LARGE1: variants seen among roughly 807,000 people sequenced by gnomAD.
LARGE1 encodes LARGE xylosyl- and glucuronyltransferase 1.
A neutral mutation model predicts 87.6 loss-of-function variants in LARGE1; 43 were observed. That is an observed-to-expected ratio of 0.49 (90% CI 0.38 to 0.63). The LOEUF is 0.63. Ranked by LOEUF, LARGE1 falls within the 30% of genes least tolerant of loss-of-function variation. LARGE1 has a pLI of 0.00. For synonymous variants in LARGE1, 434 were observed against 394.6 expected (o/e 1.10, Z -1.18); for missense variants, 802 against 1,000.2 (o/e 0.80, Z 2.67).
At chr22:33,390,965 G>A (rs184443662) in intron 7 of LARGE1, among the ~76,000 whole-genome samples, 4 of 152,116 alleles carry the variant, frequency 2.6e-5, no homozygotes, top group African/African-American at 9.7e-5. Context: ...CCAAAGTGCT[G>A]GGAACACAGG....
intron 7 of LARGE1, among the ~76,000 whole-genome samples, chr22:33,393,389 G>A (rs1280992731): frequency 6.6e-6 from 1 of 152,208 alleles, no homozygotes; most frequent in Non-Finnish European, 1.5e-5. Flanking sequence ...TCCTCATTAA[G>A]GTGTCTAATT....
chr22:33,274,095 G>A lies in LARGE1; in HGVS notation c.*332C>T, dbSNP rs1433131631. 1 of 470,934 alleles carries A rather than the reference G, an allele frequency of 2.1e-6. No homozygotes were observed. Among genetic ancestry groups the A allele is most frequent in the Non-Finnish European group, 3.8e-6 (1 of 259,994 alleles). 29.2% of individuals were successfully genotyped at this position (470,934 alleles called of 1,614,324 possible). A position where few individuals can be genotyped will look rare whatever the true frequency, so the allele number is the denominator to read the frequency against. The stretch of plus-strand genomic sequence containing the variant: ...AAGCATAATTATTAAAAAGCATCCA[G>A]AACATCCTAAAGCCCTGCCCTGATC... On this transcript the variant is annotated 3_prime_UTR_variant, in exon 15 of 15. Coordinates refer to ENST00000397394, the MANE Select transcript of LARGE1 (RefSeq NM_133642.5).
At chr22:33,609,631 G>A (rs1338551644) in intron 4 of LARGE1, among the ~76,000 whole-genome samples, 1 of 152,098 alleles carries the variant, frequency 6.6e-6, no homozygotes, top group South Asian at 2.1e-4. Context: ...AACAAAATCT[G>A]GAATGGGAAA....
chr22:33,761,651 G>A (rs1255916935), intron 1 of LARGE1, 93 bp from the exon 2 acceptor site: 4 of 659,912 alleles, frequency 6.1e-6, no homozygotes, highest in Non-Finnish European at 8.3e-6. Context: ...TCCTGAAAGG[G>A]GTTCAACTGA....
chr22:33,170,000 A>T (rs1452385580), intron 11 of LARGE1, among the ~76,000 whole-genome samples: 1 of 152,152 alleles, frequency 6.6e-6, no homozygotes, highest in East Asian at 1.9e-4. Flanking sequence ...CCTTAAATGT[A>T]TGTGTTGAAA....
chr22:33,596,462 C>T (rs565919484), intron 5 of LARGE1, among the ~76,000 whole-genome samples: 4 of 152,312 alleles, frequency 2.6e-5, no homozygotes, highest in Admixed American at 6.5e-5. Context: ...AGAAACCACA[C>T]AGATAATCCA....
intron 6 of LARGE1, among the ~76,000 whole-genome samples, chr22:33,538,774 C>T (rs978892460): frequency 6.6e-6 from 1 of 152,214 alleles, no homozygotes; most frequent in Non-Finnish European, 1.5e-5. Context: ...CAAGAGATTA[C>T]TCACTGCCCC....
intron 1 of LARGE1, among the ~76,000 whole-genome samples, chr22:33,866,116 C>T (rs1205447725): frequency 6.6e-6 from 1 of 151,988 alleles, no homozygotes; most frequent in Non-Finnish European, 1.5e-5. Flanking sequence ...CCGGCCTCAG[C>T]TCTGGGTAGG....
chr22:33,528,822 C>G (rs1424198225), intron 6 of LARGE1, among the ~76,000 whole-genome samples: 2 of 152,148 alleles, frequency 1.3e-5, no homozygotes, highest in Non-Finnish European at 2.9e-5. Context: ...GTCTCCTTGA[C>G]CAAGAGATGG....
intron 6 of LARGE1, among the ~76,000 whole-genome samples, chr22:33,462,230 T>C (rs1295034864): frequency 6.6e-6 from 1 of 151,504 alleles, no homozygotes; most frequent in African/African-American, 2.4e-5. Context: ...CTTAAGGGAG[T>C]GGAATACCTT....
At chr22:33,305,357 T>TGAA (rs1934737356) in intron 11 of LARGE1, among the ~76,000 whole-genome samples, 1 of 74,470 alleles carries the variant, frequency 1.3e-5, no homozygotes, top group African/African-American at 7.7e-5. Context: ...AGGGAAAAAA[T>TGAA]TAAAAAAAAA....
intron 9 of LARGE1, among the ~76,000 whole-genome samples, chr22:33,369,641 T>C (rs2064735406): frequency 1.3e-5 from 2 of 152,166 alleles, no homozygotes; most frequent in African/African-American, 4.8e-5. Context: ...CTAGGCTCAC[T>C]GCAACCTCTG....
chr22:33,874,705 T>C (rs5754734), intron 1 of LARGE1, among the ~76,000 whole-genome samples: 2 of 151,902 alleles, frequency 1.3e-5, no homozygotes, highest in African/African-American at 4.8e-5. Context: ...TTAACTGTCT[T>C]TGAAAGTTCA....
chr22:33,562,082 T>C (rs2077880404), intron 6 of LARGE1, among the ~76,000 whole-genome samples: 1 of 152,222 alleles, frequency 6.6e-6, no homozygotes, highest in African/African-American at 2.4e-5. Flanking sequence ...CAATTGCCTT[T>C]ATGAAGGACA....
At chr22:33,437,975 C>T (rs2067332289) in intron 6 of LARGE1, among the ~76,000 whole-genome samples, 1 of 152,094 alleles carries the variant, frequency 6.6e-6, no homozygotes, top group Non-Finnish European at 1.5e-5. Context: ...TCACCTACCA[C>T]ATCCCTTCCA....
chr22:33,632,153 C>T (rs546650019), intron 3 of LARGE1, among the ~76,000 whole-genome samples: 3 of 152,250 alleles, frequency 2.0e-5, no homozygotes, highest in South Asian at 4.2e-4. Flanking sequence ...GACCGAGTCT[C>T]GATCTATCGC....
the LARGE1 span, among the ~76,000 whole-genome samples, chr22:33,148,598 T>C: frequency 6.6e-6 from 1 of 152,228 alleles, no homozygotes; most frequent in Non-Finnish European, 1.5e-5. Context: ...AGGAGCAAGA[T>C]GGTTGAGTCA....
intron 6 of LARGE1, among the ~76,000 whole-genome samples, chr22:33,474,373 G>T (rs1311711505): frequency 6.6e-6 from 1 of 152,144 alleles, no homozygotes; most frequent in Non-Finnish European, 1.5e-5. Flanking sequence ...ATTTTGGTCA[G>T]GCTGGTCTCG....
chr22:33,579,643 A>C (rs1465628695), intron 5 of LARGE1, among the ~76,000 whole-genome samples: 1 of 152,008 alleles, frequency 6.6e-6, no homozygotes, highest in Admixed American at 6.6e-5. Context: ...CCCCAGAAAA[A>C]CTAAACTATG....
Sources: gnomAD v4.1 joint callset for allele counts (sites outside exome capture counted in the v4.1 genomes callset) on GRCh38, gnomAD v4.1.1 for gene constraint, MANE v1.5 for transcripts, NCBI Gene and HGNC (gene_info 2026-07-23, HGNC 2026-07-21) for gene names.